The following HMGXB4 variants were observed in gnomAD, a reference collection of about 807,000 sequenced individuals.
The protein encoded by HMGXB4 is HMG domain-containing protein 4.
HMGXB4 carries 27 observed loss-of-function variants against 63.9 expected under a neutral mutation model. The ratio of observed to expected loss-of-function variants is 0.42; its 90% CI spans 0.31 to 0.58. HMGXB4 has a LOEUF of 0.58. Among genes scored for constraint, HMGXB4 ranks in the 20% least tolerant of loss-of-function variants. HMGXB4 has a pLI of 0.13. For missense variants in HMGXB4, 624 were observed against 700.7 expected (o/e 0.89, Z 1.24); for synonymous variants, 264 against 265.3 (o/e 0.99, Z 0.05).
At chr22:35,268,663 C>T (rs1923417527) in intron 5 of HMGXB4, among the ~76,000 whole-genome samples, 1 of 152,208 alleles carries the variant, frequency 6.6e-6, no homozygotes. Flanking sequence ...CTATTGTAGA[C>T]AGTCAGTAAA....
At chr22:35,264,189 C>T in intron 4 of HMGXB4, 6 of 697,864 alleles carry the variant, frequency 8.6e-6, no homozygotes, top group Admixed American at 6.9e-5. Flanking sequence ...CTGGCCTGCA[C>T]CTGTGGGTCA....
At chr22:35,254,444 C>T (rs878997460), upstream of HMGXB4, among the ~76,000 whole-genome samples, 1 of 152,210 alleles carries the variant, frequency 6.6e-6, no homozygotes, top group Admixed American at 6.5e-5. Context: ...TGGCTCCCAC[C>T]ACCAACCCAC....
At chr22:35,262,569 C>A in intron 2 of HMGXB4, 148 bp downstream of exon 2, 1 of 822,086 alleles carries the variant, frequency 1.2e-6, no homozygotes, top group Non-Finnish European at 2.0e-6. Context: ...GCCTCCACGC[C>A]ATCCCCAGAC....
chr22:35,277,148 G>A (rs978336156), intron 5 of HMGXB4, among the ~76,000 whole-genome samples: 9 of 152,210 alleles, frequency 5.9e-5, no homozygotes, highest in African/African-American at 1.4e-4. Flanking sequence ...AAATCAAGGC[G>A]TCCAGTAGAG....
the HMGXB4 span, among the ~76,000 whole-genome samples, chr22:35,243,631 C>G: frequency 1.3e-5 from 2 of 151,432 alleles, no homozygotes; most frequent in African/African-American, 4.9e-5. Context: ...GCAACCTCCA[C>G]CTCCGGGGTT....
In HMGXB4 at chr22:35,294,744, A is replaced by T. The variant is rs772642823; in HGVS notation, c.*1093A>T. The T allele has an allele frequency of 2.0e-5, 3 of 152,146 alleles. No individual in the cohort carries two copies. The highest frequency in any genetic ancestry group is 4.4e-5 in the Non-Finnish European group (3 of 68,014). The allele number at this position is 152,146 out of a possible 1,614,324, so 9.4% of individuals were successfully genotyped here. On this transcript the variant is annotated 3_prime_UTR_variant, in exon 11 of 11. Coordinates refer to ENST00000216106, the MANE Select transcript of HMGXB4 (RefSeq NM_001003681.3). Reference sequence around the variant, plus strand: ...ATATAATTTAATAACAGAAGCCTCCACCAGCAACAGCATGTGGAAGATACA... The same window carrying T: ...ATATAATTTAATAACAGAAGCCTCCTCCAGCAACAGCATGTGGAAGATACA...
chr22:35,271,792 C>G (rs902377371), intron 5 of HMGXB4, among the ~76,000 whole-genome samples: 2 of 152,152 alleles, frequency 1.3e-5, no homozygotes, highest in South Asian at 4.1e-4. Flanking sequence ...ACTACTAGTT[C>G]AAAGTAATTC....
intron 9 of HMGXB4, among the ~76,000 whole-genome samples, chr22:35,289,842 T>C (rs1324272009): frequency 6.6e-6 from 1 of 152,356 alleles, no homozygotes; most frequent in East Asian, 1.9e-4. Context: ...GTAGTTCCGC[T>C]TTCCACCAAG....
At chr22:35,266,204 A>C (rs1177628634) in intron 5 of HMGXB4, among the ~76,000 whole-genome samples, 1 of 152,150 alleles carries the variant, frequency 6.6e-6, no homozygotes, top group Non-Finnish European at 1.5e-5. Context: ...AATTTCTTTC[A>C]CTTAGCATCA....
At chr22:35,284,919 T>A (rs1318715128) in intron 6 of HMGXB4, among the ~76,000 whole-genome samples, 2 of 152,212 alleles carry the variant, frequency 1.3e-5, no homozygotes, top group African/African-American at 2.4e-5. Context: ...TGAATATGCT[T>A]TATAAAGCAT....
At chr22:35,259,367 T>A (rs1922692172) in intron 1 of HMGXB4, among the ~76,000 whole-genome samples, 1 of 152,268 alleles carries the variant, frequency 6.6e-6, no homozygotes, top group Non-Finnish European at 1.5e-5. Flanking sequence ...GAATTGAGAC[T>A]GGGTTTTAAC....
chr22:35,252,499 C>G (rs376913693), upstream of HMGXB4, among the ~76,000 whole-genome samples: 1 of 152,328 alleles, frequency 6.6e-6, no homozygotes, highest in East Asian at 1.9e-4. Flanking sequence ...TGTTTCACTT[C>G]GAATAATCTC....
At chr22:35,269,578 G>A (rs759205452) in intron 5 of HMGXB4, among the ~76,000 whole-genome samples, 14 of 152,210 alleles carry the variant, frequency 9.2e-5, no homozygotes, top group Non-Finnish European at 1.9e-4. Flanking sequence ...GGTAGGTTGG[G>A]AGCAAATTGT....
At chr22:35,275,071 C>A (rs904288566) in intron 5 of HMGXB4, among the ~76,000 whole-genome samples, 25 of 145,144 alleles carry the variant, frequency 1.7e-4, no homozygotes, top group East Asian at 2.1e-4. Flanking sequence ...AAAGGTCTTA[C>A]AACAGTGGCT....
the HMGXB4 span, among the ~76,000 whole-genome samples, chr22:35,248,065 T>C: frequency 1.3e-5 from 2 of 152,172 alleles, no homozygotes; most frequent in East Asian, 1.9e-4. Flanking sequence ...CTCTGAATAC[T>C]GTAGGCAATT....
At chr22:35,262,553 C>A in intron 2 of HMGXB4, 132 bp downstream of exon 2, 1 of 925,150 alleles carries the variant, frequency 1.1e-6, no homozygotes, top group Non-Finnish European at 1.7e-6. Flanking sequence ...ACTGTTATGA[C>A]ACTCAGCCTC....
intron 5 of HMGXB4, among the ~76,000 whole-genome samples, chr22:35,266,117 A>G (rs1477006071): frequency 6.6e-6 from 1 of 151,992 alleles, no homozygotes; most frequent in Non-Finnish European, 1.5e-5. Context: ...TTATTCTCCC[A>G]TTGTGCCAGG....
At chr22:35,253,836 G>C (rs1315276387), upstream of HMGXB4, among the ~76,000 whole-genome samples, 2 of 151,944 alleles carry the variant, frequency 1.3e-5, no homozygotes, top group Non-Finnish European at 2.9e-5. Context: ...TTTTTGTTTT[G>C]TTTTGTTTTT....
intron 1 of HMGXB4, among the ~76,000 whole-genome samples, chr22:35,259,513 A>G (rs1922702006): frequency 6.6e-6 from 1 of 152,062 alleles, no homozygotes; most frequent in African/African-American, 2.4e-5. Flanking sequence ...CACAGATTGT[A>G]TTCAAGACCT....
Sources: allele counts gnomAD v4.1 joint callset (sites outside exome capture counted in the v4.1 genomes callset), GRCh38; gene constraint gnomAD v4.1.1; transcripts MANE v1.5; gene names NCBI Gene and HGNC (gene_info 2026-07-23, HGNC 2026-07-21).